THEMIS: variants seen among roughly 807,000 people sequenced by gnomAD.
The protein encoded by THEMIS is protein THEMIS.
A neutral mutation model predicts 52.6 loss-of-function variants in THEMIS; 37 were observed. That is an observed-to-expected ratio of 0.70 (90% CI 0.54 to 0.93). THEMIS has a LOEUF of 0.93. THEMIS is among the 40% of genes least tolerant of loss of function. THEMIS has a pLI of 0.00. For missense variants in THEMIS, 808 were observed against 763.1 expected (o/e 1.06, Z -0.69); for synonymous variants, 292 against 272.7 (o/e 1.07, Z -0.70).
chr6:127,842,522 T>C lies in THEMIS; in HGVS notation c.250+12508A>G, dbSNP rs1779082739. On this transcript the variant is annotated intron_variant, in intron 2 of 5. Coordinates refer to ENST00000368248, the MANE Select transcript of THEMIS (RefSeq NM_001010923.3). The stretch of plus-strand genomic sequence containing the variant: ...GAATTTTTCACATGTCCAATAAAAA[T>C]GATTTTTTTAAGTCTTACGGCTTAA... Among the ~76,000 whole-genome samples the C allele has an allele frequency of 2.6e-5, 4 of 152,056 alleles. No individual in the cohort carries two copies. The South Asian group carries it at 8.3e-4, about 31-fold the overall frequency.
chr6:127,790,421 CAACTT>C (rs1433825930), intron 4 of THEMIS, among the ~76,000 whole-genome samples: 1 of 152,104 alleles, frequency 6.6e-6, no homozygotes, highest in Admixed American at 6.5e-5. Flanking sequence ...TTAGAAGAAA[CAACTT>C]TATTTTAAAT....
Position 127,899,081 on chromosome 6 carries a change from A to G in THEMIS, c.91+1761T>C, listed in dbSNP as rs898145237. On this transcript the variant is annotated intron_variant, in intron 1 of 5. Coordinates refer to ENST00000368248, the MANE Select transcript of THEMIS (RefSeq NM_001010923.3). ...CAATAGGGTGACTATAGCTAAAAAT[A>G]ATTTACTGTATATTTCAAAACAACT... 3.3e-5 allele frequency among the ~76,000 whole-genome samples: 5 copies of G among 151,864 alleles called. 1 individual carries two copies. Among genetic ancestry groups the G allele is most frequent in the Admixed American group, 2.0e-4 (3 of 15,192 alleles).
At chr6:127,782,773 T>A (rs1277459090) in intron 4 of THEMIS, among the ~76,000 whole-genome samples, 1 of 152,182 alleles carries the variant, frequency 6.6e-6, no homozygotes, top group East Asian at 1.9e-4. Flanking sequence ...TCCATGCTCA[T>A]GGATAGGAAG....
At chr6:127,753,161 C>T (rs534432824) in intron 4 of THEMIS, among the ~76,000 whole-genome samples, 1 of 151,874 alleles carries the variant, frequency 6.6e-6, no homozygotes, top group Non-Finnish European at 1.5e-5. Context: ...AAGGAACATA[C>T]CTCAATATAA....
At chr6:127,786,980 C>T (rs1776970744) in intron 4 of THEMIS, among the ~76,000 whole-genome samples, 1 of 151,876 alleles carries the variant, frequency 6.6e-6, no homozygotes, top group Non-Finnish European at 1.5e-5. Flanking sequence ...GTTTGGAGCT[C>T]CTAAAAAAAC....
intron 4 of THEMIS, among the ~76,000 whole-genome samples, chr6:127,806,064 T>C (rs1250966951): frequency 6.6e-6 from 1 of 152,068 alleles, no homozygotes; most frequent in Non-Finnish European, 1.5e-5. Flanking sequence ...GCACTAAAAT[T>C]TCTATAGAGA....
chr6:127,899,174 C>T (rs9402003), intron 1 of THEMIS, among the ~76,000 whole-genome samples: 20,179 of 151,554 alleles, frequency 0.13, 1,741 homozygotes, highest in East Asian at 0.38. Context: ...GAATAATATC[C>T]CCATTACTCT....
chr6:127,809,823 T>G (rs945464715), intron 4 of THEMIS, among the ~76,000 whole-genome samples: 8 of 150,736 alleles, frequency 5.3e-5, no homozygotes, highest in Non-Finnish European at 8.9e-5. Context: ...TATTTAAATG[T>G]ATAAAATAAC....
At chr6:127,766,733 T>G (rs765572768) in intron 4 of THEMIS, among the ~76,000 whole-genome samples, 14 of 152,038 alleles carry the variant, frequency 9.2e-5, no homozygotes, top group Non-Finnish European at 2.1e-4. Context: ...TAAACATATA[T>G]AAAATAGAAA....
chr6:127,733,348 T>A (rs534175934), intron 4 of THEMIS, among the ~76,000 whole-genome samples: 38 of 152,336 alleles, frequency 2.5e-4, no homozygotes, highest in African/African-American at 8.7e-4. Flanking sequence ...ATCCGCAGGT[T>A]GTTTTCAGTA....
intron 2 of THEMIS, among the ~76,000 whole-genome samples, chr6:127,850,290 C>A (rs1316228323): frequency 6.6e-6 from 1 of 151,852 alleles, no homozygotes; most frequent in African/African-American, 2.4e-5. Flanking sequence ...TTTTAGACTG[C>A]TGGTGAGAAT....
Position 127,813,514 on chromosome 6 carries a change from G to A in THEMIS, c.1127C>T (p.Pro376Leu). ...HVVATKAFHS[P>L]HDKLSSVSVG... ...AGATACGGATGACAGCTTGTCATGA[G>A]GGGAATGAAACGCTTTGGTGGCCAC... Residue 376 changes from proline to leucine, a missense_variant, in exon 4 of 6, where the codon CCT (proline) becomes CTT (leucine). Pro to Leu is a moderately conservative substitution (Grantham distance 98, BLOSUM62 -3). Transcript: ENST00000368248. The A allele has an allele frequency of 3.1e-6, 5 of 1,613,804 alleles. No homozygotes were observed. Among genetic ancestry groups the A allele is most frequent in the Non-Finnish European group, 4.2e-6 (5 of 1,179,898 alleles).
At chr6:127,913,423 C>T (rs1201837509) in intron 1 of THEMIS, among the ~76,000 whole-genome samples, 3 of 152,130 alleles carry the variant, frequency 2.0e-5, no homozygotes, top group Admixed American at 1.3e-4. Flanking sequence ...TGATTGGATG[C>T]ACTCAATAGC....
intron 1 of THEMIS, among the ~76,000 whole-genome samples, chr6:127,910,354 A>G (rs1450898316): frequency 6.6e-6 from 1 of 152,164 alleles, no homozygotes; most frequent in Non-Finnish European, 1.5e-5. Context: ...CTTAGGAATT[A>G]CATATTTATC....
chr6:127,908,323 T>C (rs1781327944), intron 1 of THEMIS, among the ~76,000 whole-genome samples: 1 of 152,118 alleles, frequency 6.6e-6, no homozygotes, highest in African/African-American at 2.4e-5. Flanking sequence ...CACAATCCAA[T>C]GTATACAGTT....
At chr6:127,832,444 T>C (rs1342255163) in intron 2 of THEMIS, among the ~76,000 whole-genome samples, 1 of 152,180 alleles carries the variant, frequency 6.6e-6, no homozygotes, top group East Asian at 1.9e-4. Context: ...AAAACAGCCA[T>C]TGAAAGCCAT....
chr6:127,696,837 C>G, the THEMIS span, among the ~76,000 whole-genome samples: 1 of 151,960 alleles, frequency 6.6e-6, no homozygotes, highest in Non-Finnish European at 1.5e-5. Context: ...TCCAAATTTC[C>G]TTTTCTTATA....
Position 127,719,626 on chromosome 6 carries a change from C to T in THEMIS, c.1894+62G>A, listed in dbSNP as rs1343196182. On this transcript the variant is annotated intron_variant, in intron 5 of 5. Transcript: ENST00000368248. ...AATAATAGTAAGAATCTGTCCATTG[C>T]ACCTTTGTCATGTGGACAGTTAAAC... The T allele has an allele frequency of 2.8e-6, 4 of 1,453,198 alleles. No individual in the cohort carries two copies. The East Asian group carries it at 9.5e-5, about 35-fold the overall frequency. The allele number at this position is 1,453,198 out of a possible 1,614,324, so 90.0% of individuals were successfully genotyped here.
chr6:127,702,070 T>A, the THEMIS span, among the ~76,000 whole-genome samples: 2 of 152,126 alleles, frequency 1.3e-5, no homozygotes, highest in African/African-American at 4.8e-5. Flanking sequence ...CCTTTAGATA[T>A]CCTTTTACCA....
Sources: allele counts gnomAD v4.1 joint callset (sites outside exome capture counted in the v4.1 genomes callset), GRCh38; gene constraint gnomAD v4.1.1; transcripts MANE v1.5; gene names NCBI Gene and HGNC (gene_info 2026-07-23, HGNC 2026-07-21).